The following HYCC1 variants were observed in gnomAD, a reference collection of about 807,000 sequenced individuals.
HYCC1 encodes hyccin.
chr7:22,908,024 G>T, the HYCC1 span, among the ~76,000 whole-genome samples: 7 of 152,160 alleles, frequency 4.6e-5, no homozygotes, highest in South Asian at 4.1e-4. Context: ...TTCCCAGAAG[G>T]TTCTCATGCA....
chr7:22,977,217 G>T, the HYCC1 span: 1 of 700,236 alleles, frequency 1.4e-6, no homozygotes, highest in Non-Finnish European at 2.6e-6. Flanking sequence ...AATACTTTGT[G>T]GGTGTTTATA....
At chr7:22,976,892 T>A in the HYCC1 span, 1 of 799,022 alleles carries the variant, frequency 1.3e-6, no homozygotes, top group East Asian at 2.6e-5. Flanking sequence ...ACCACTAAAA[T>A]AGCTACCACG....
chr7:22,959,446 T>C, the HYCC1 span, among the ~76,000 whole-genome samples: 1 of 152,064 alleles, frequency 6.6e-6, no homozygotes, highest in Admixed American at 6.6e-5. Context: ...AGAGAATGGA[T>C]TTTGTTTTAC....
chr7:22,905,646 G>A, the HYCC1 span, among the ~76,000 whole-genome samples: 225 of 151,944 alleles, frequency 1.5e-3, no homozygotes, highest in African/African-American at 5.3e-3. Context: ...TTATCATCCT[G>A]TAAGTTTTTA....
chr7:22,919,986 G>A, the HYCC1 span, among the ~76,000 whole-genome samples: 5 of 152,156 alleles, frequency 3.3e-5, no homozygotes, highest in Non-Finnish European at 7.3e-5. Flanking sequence ...GATGCAAAGA[G>A]ATACAAATTC....
chr7:22,945,871 T>A, the HYCC1 span: 1 of 1,613,796 alleles, frequency 6.2e-7, no homozygotes. Context: ...GGCTGGTTGT[T>A]AAAGTAAGTC....
At chr7:22,927,801 G>C in the HYCC1 span, among the ~76,000 whole-genome samples, 12 of 152,050 alleles carry the variant, frequency 7.9e-5, no homozygotes, top group Non-Finnish European at 1.8e-4. Context: ...TTCCAATCAA[G>C]AGAAAAAGAG....
At chr7:22,974,802 CCCAGT>C in the HYCC1 span, among the ~76,000 whole-genome samples, 1 of 152,174 alleles carries the variant, frequency 6.6e-6, no homozygotes, top group African/African-American at 2.4e-5. Context: ...GTGGGAGGAA[CCCAGT>C]CAGGGGGTAA....
the HYCC1 span, among the ~76,000 whole-genome samples, chr7:22,966,734 T>C: frequency 6.6e-6 from 1 of 152,200 alleles, no homozygotes; most frequent in Non-Finnish European, 1.5e-5. Context: ...TGTCTAAGTA[T>C]GCCACAGACC....
chr7:22,975,536 A>G, the HYCC1 span, among the ~76,000 whole-genome samples: 3 of 152,220 alleles, frequency 2.0e-5, no homozygotes, highest in Non-Finnish European at 4.4e-5. Context: ...TCCAAATTAG[A>G]GCACAGTAAA....
At chr7:22,953,112 G>A in the HYCC1 span, among the ~76,000 whole-genome samples, 1 of 151,858 alleles carries the variant, frequency 6.6e-6, no homozygotes, top group African/African-American at 2.4e-5. Flanking sequence ...AACTCCTTTT[G>A]TCATCTTTAT....
At chr7:23,009,668 G>A in the HYCC1 span, among the ~76,000 whole-genome samples, 1 of 152,070 alleles carries the variant, frequency 6.6e-6, no homozygotes, top group Admixed American at 6.6e-5. Context: ...AAAAAAAAAG[G>A]TGGTGAGGTG....
At chr7:22,949,477 T>C in the HYCC1 span, among the ~76,000 whole-genome samples, 1 of 152,112 alleles carries the variant, frequency 6.6e-6, no homozygotes, top group African/African-American at 2.4e-5. Flanking sequence ...TGTAGATTCC[T>C]GGCCATTTTA....
chr7:22,898,584 C>T, the HYCC1 span, among the ~76,000 whole-genome samples: 2 of 55,334 alleles, frequency 3.6e-5, no homozygotes, highest in Non-Finnish European at 7.8e-5. Context: ...TATTTCTTTT[C>T]TTTTCTTTTC....
chr7:22,950,539 A>G, the HYCC1 span, among the ~76,000 whole-genome samples: 1 of 152,014 alleles, frequency 6.6e-6, no homozygotes. Flanking sequence ...GAGAAGGGTA[A>G]GCTGTGAATG....
At chr7:22,933,582 T>C in the HYCC1 span, among the ~76,000 whole-genome samples, 10 of 152,156 alleles carry the variant, frequency 6.6e-5, no homozygotes, top group East Asian at 1.9e-3. Context: ...ATCCAAGGCA[T>C]GTCTCTTGTA....
chr7:22,993,685 AAC>A, the HYCC1 span, among the ~76,000 whole-genome samples: 74 of 148,672 alleles, frequency 5.0e-4, no homozygotes, highest in African/African-American at 7.9e-4. Context: ...ACACCATACA[AAC>A]ACACACACAC....
the HYCC1 span, among the ~76,000 whole-genome samples, chr7:23,001,622 TG>T: frequency 6.6e-6 from 1 of 152,268 alleles, no homozygotes; most frequent in East Asian, 1.9e-4. Context: ...GGTAGGGTAC[TG>T]GAGAAAAAGT....
chr7:22,937,163 C>T, the HYCC1 span: 1 of 152,066 alleles, frequency 6.6e-6, no homozygotes, highest in Non-Finnish European at 1.5e-5. Flanking sequence ...TTACACAGCA[C>T]AGCAGGCAAC....
Sources: allele counts gnomAD v4.1 joint callset (sites outside exome capture counted in the v4.1 genomes callset), GRCh38; gene constraint gnomAD v4.1.1; transcripts MANE v1.5; gene names NCBI Gene and HGNC (gene_info 2026-07-23, HGNC 2026-07-21).